The following HCN4 variants were observed in gnomAD, a reference collection of about 807,000 sequenced individuals.
HCN4 encodes the protein hyperpolarization activated cyclic nucleotide gated potassium channel 4, also known as potassium/sodium hyperpolarization-activated cyclic nucleotide-gated channel 4.
In HCN4, 29 loss-of-function variants were observed where a neutral mutation model predicts 76.9. The ratio of observed to expected loss-of-function variants is 0.38; its 90% CI spans 0.28 to 0.51. HCN4 has a LOEUF of 0.51. Ranked by LOEUF, HCN4 falls within the 20% of genes least tolerant of loss-of-function variation. The probability of loss-of-function intolerance (pLI) is 0.90; values close to 1 mark genes in which losing one functional copy is unlikely to be tolerated. For missense variants in HCN4, 1,416 were observed against 1,715.2 expected (o/e 0.83, Z 3.08); for synonymous variants, 772 against 762.5 (o/e 1.01, Z -0.21).
Position 73,323,697 on chromosome 15 carries a change from G to C in HCN4, c.2396C>G (p.Pro799Arg). Residue 799 changes from proline to arginine, a missense_variant, in exon 8 of 8, where the codon CCT becomes CGT. Around this residue, in one of 6 missense-constraint regions of HCN4, gnomAD observed 633 missense variants for 579.8 expected, o/e 1.09. Transcript: ENST00000261917. ...GCGGAAGATGGCAGCAGGCAGGCGA[G>C]GGTGGTGGGTGAGGGCTATGGCCAC... ...TSVAIALTHH[P>R]RLPAAIFRPP... 3 of 1,595,664 alleles carry C rather than the reference G, an allele frequency of 1.9e-6. No individual in the cohort carries two copies. Among genetic ancestry groups the C allele is most frequent in the Non-Finnish European group, 2.6e-6 (3 of 1,171,218 alleles).
At position 73,336,347 on chromosome 15, in the gene HCN4, A is replaced by G. The variant is rs1018466759; in HGVS notation, c.1210-4055T>C. On this transcript the variant is annotated intron_variant, in intron 2 of 7. Coordinates refer to ENST00000261917, the MANE Select transcript of HCN4 (RefSeq NM_005477.3). ...TGGCTAAAGGGCTCCCCAGGATGCA[A>G]CTGTGTTGCCGCCATCACAAGGGGC... Among the ~76,000 whole-genome samples, 7 of 152,132 alleles carry G rather than the reference A, an allele frequency of 4.6e-5. No individual in the cohort carries two copies. In the East Asian group the frequency reaches 1.2e-3, roughly 25 times the overall value.
chr15:73,364,980 C>G (rs144471002), intron 1 of HCN4, among the ~76,000 whole-genome samples: 1 of 152,138 alleles, frequency 6.6e-6, no homozygotes, highest in East Asian at 1.9e-4. Context: ...GCTTCCTGCC[C>G]GTCAAAATGA....
At chr15:73,324,822 A>C (rs2042888878) in intron 6 of HCN4, 133 bp downstream of exon 6, 1 of 1,102,636 alleles carries the variant, frequency 9.1e-7, no homozygotes, top group Admixed American at 2.1e-5. Flanking sequence ...AGACACCCCT[A>C]CCCTGGGCTC....
chr15:73,322,828 A>G lies in HCN4; in HGVS notation c.3265T>C (p.Ser1089Pro). 6.6e-7 allele frequency: 1 copy of G among 1,524,844 alleles called. No individual in the cohort carries two copies. Among genetic ancestry groups the G allele is most frequent in the Admixed American group, 2.1e-5 (1 of 48,134 alleles). The allele number at this position is 1,524,844 out of a possible 1,614,324, so 94.5% of individuals were successfully genotyped here. ...LTQDLKLISASQPALPQDGAQ... is the reference protein window; with the variant it reads ...LTQDLKLISAPQPALPQDGAQ... ...CCGTCCTGAGGCAGGGCTGGCTGAG[A>G]CGCGGAGATGAGCTTGAGGTCCTGG... is the stretch of plus-strand genomic sequence containing the variant. The change falls in exon 8 of 8, where the codon TCT (serine) becomes CCT (proline). Residue 1089 changes from serine (S) to proline (P), a missense_variant. Ser to Pro is a moderately conservative substitution (Grantham distance 74). Transcript: ENST00000261917.
rs1457683992 is a variant in HCN4, at chr15:73,368,871, G to T, written c.-601C>A. 6.6e-6 allele frequency: 1 copy of T among 152,172 alleles called. No individual in the cohort carries two copies. The highest frequency in any genetic ancestry group is 1.5e-5 in the Non-Finnish European group (1 of 68,048). 9.4% of individuals were successfully genotyped at this position (152,172 alleles called of 1,614,324 possible). A position where few individuals can be genotyped will look rare whatever the true frequency, so the allele number is the denominator to read the frequency against. On this transcript the variant is annotated 5_prime_UTR_variant, in exon 1 of 8. Coordinates refer to ENST00000261917, the MANE Select transcript of HCN4 (RefSeq NM_005477.3). The surrounding 1 kb of genome is among the most constrained non-coding windows in gnomAD (Gnocchi z 6.9). The stretch of plus-strand genomic sequence containing the variant: ...TACATCAGCGGCCGCCTCCCCCGAA[G>T]CGCCCTCCGGCAGCGCTCGGGCTCC...
intron 1 of HCN4, among the ~76,000 whole-genome samples, chr15:73,352,145 G>A (rs539405265): frequency 3.3e-5 from 5 of 152,324 alleles, no homozygotes; most frequent in Middle Eastern, 3.4e-3. Context: ...TGAAGTCGGC[G>A]CAGTACCTTT....
Position 73,323,782 on chromosome 15 carries a change from G to T in HCN4, c.2311C>A (p.Pro771Thr). 1 of 1,608,118 alleles carries T rather than the reference G, an allele frequency of 6.2e-7. No individual in the cohort carries two copies. ...TGGATCAGCGGGGTCCAGATGACGGGCGTGGGGGTTGGGGTGGCAGAGGCA... is the reference window on the plus strand; with the variant it reads ...TGGATCAGCGGGGTCCAGATGACGGTCGTGGGGGTTGGGGTGGCAGAGGCA... ...AAASATPTPT[P>T]VIWTPLIQAP... Residue 771 changes from proline to threonine, a missense_variant, in exon 8 of 8, where the codon CCC becomes ACC. Physicochemically the swap from Pro to Thr is conservative, Grantham distance 38 (BLOSUM62 -1). This residue lies in a region of HCN4 where 241 missense variants were observed against 379.4 expected (regional missense o/e 0.64). Transcript: ENST00000261917.
chr15:73,342,717 A>T (rs1289563900), intron 2 of HCN4, among the ~76,000 whole-genome samples: 1 of 152,234 alleles, frequency 6.6e-6, no homozygotes, highest in Non-Finnish European at 1.5e-5. Flanking sequence ...CCTTTCATGC[A>T]AATCTTTGTC....
Position 73,367,933 on chromosome 15 carries a change from G to GTGCCGCCGC in HCN4, c.329_337dup (p.Ser110_Gly112dup), listed in dbSNP as rs1441261132. 7.3e-7 allele frequency: 1 copy of GTGCCGCCGC among 1,365,452 alleles called. No individual in the cohort carries two copies. Among genetic ancestry groups the GTGCCGCCGC allele is most frequent in the Non-Finnish European group, 9.4e-7 (1 of 1,063,054 alleles). 84.6% of individuals were successfully genotyped at this position (1,365,452 alleles called of 1,614,324 possible). On this transcript the variant is annotated inframe_insertion, in exon 1 of 8. Transcript: ENST00000261917. This position sits in a 1 kb window ranked among gnomAD's most constrained non-coding sequence, Gnocchi z 7.5. ...GTGTCCGTGACTGCTGCCGCTCCCC[G>GTGCCGCCGC]TGCCGCCGCTGCCGCCGCCCCGGCT... is the stretch of plus-strand genomic sequence containing the variant.
intron 2 of HCN4, among the ~76,000 whole-genome samples, chr15:73,334,733 A>G (rs1368057485): frequency 6.6e-6 from 1 of 152,066 alleles, no homozygotes; most frequent in East Asian, 1.9e-4. Flanking sequence ...CCTGTTTTAC[A>G]AGATTGCTTG....
rs1436590161 is a variant in HCN4, at chr15:73,321,091, T to C, written c.*1390A>G. The C allele has an allele frequency of 1.3e-5, 2 of 152,242 alleles. No homozygotes were observed. The highest frequency in any genetic ancestry group is 4.8e-5 in the African/African-American group (2 of 41,456). The allele number at this position is 152,242 out of a possible 1,614,324, so 9.4% of individuals were successfully genotyped here. A position where few individuals can be genotyped will look rare whatever the true frequency, so the allele number is the denominator to read the frequency against. ...GCATTTCACATATAGATTTTTCTCA[T>C]CTGGTCCTCATAGGTCCTTGTGAGG... On this transcript the variant is annotated 3_prime_UTR_variant, in exon 8 of 8. Transcript: ENST00000261917.
In HCN4 at chr15:73,325,119, G is replaced by A. The variant is rs1018484647; in HGVS notation, c.1814C>T (p.Thr605Met). 1.9e-6 allele frequency: 3 copies of A among 1,614,104 alleles called. No individual in the cohort carries two copies. The highest frequency in any genetic ancestry group is 1.7e-5 in the Admixed American group (1 of 60,018). The stretch of plus-strand genomic sequence containing the variant: ...GAAACGCAGCTTGGTCAGCATGGAC[G>A]TCACGAAGTTGGGGTCCGCATTGGC... The part of the protein sequence containing the change: ...LFANADPNFV[T>M]SMLTKLRFEV... Residue 605 changes from threonine to methionine, a missense_variant, in exon 6 of 8, where the codon ACG becomes ATG. Thr to Met is a moderately conservative substitution (Grantham distance 81). Around this residue, in one of 6 missense-constraint regions of HCN4, gnomAD observed 241 missense variants for 379.4 expected, o/e 0.64. Transcript: ENST00000261917. The surrounding 1 kb of genome is among the most constrained non-coding windows in gnomAD (Gnocchi z 7.4).
Position 73,329,767 on chromosome 15 carries a change from A to G in HCN4, c.1396T>C (p.Ser466Pro). 1.9e-6 allele frequency: 3 copies of G among 1,613,964 alleles called. No individual in the cohort carries two copies. Among genetic ancestry groups the G allele is most frequent in the Non-Finnish European group, 2.5e-6 (3 of 1,179,978 alleles). Reference protein sequence around the residue: ...MVNNSWGKQYSYALFKAMSHM... With the variant: ...MVNNSWGKQYPYALFKAMSHM... ...CTCATGGCCTTGAAGAGCGCGTAGG[A>G]GTACTGCTTCCCCCAGGAGTTGTTC... Residue 466 changes from serine to proline, a missense_variant, in exon 4 of 8, where the codon TCC (serine) becomes CCC (proline). By Grantham distance (74) the Ser-to-Pro change is moderately conservative. Around this residue, in one of 6 missense-constraint regions of HCN4, gnomAD observed 112 missense variants for 259.9 expected, o/e 0.43. Transcript: ENST00000261917.
At chr15:73,345,971 TGA>T (rs1263682706) in intron 1 of HCN4, among the ~76,000 whole-genome samples, 1 of 152,166 alleles carries the variant, frequency 6.6e-6, no homozygotes, top group Non-Finnish European at 1.5e-5. Context: ...AGTCCAAATT[TGA>T]GAGAGTAATT....
intron 1 of HCN4, among the ~76,000 whole-genome samples, chr15:73,363,309 G>A (rs1011867569): frequency 6.6e-6 from 1 of 152,204 alleles, no homozygotes; most frequent in African/African-American, 2.4e-5. Flanking sequence ...AGGTGGGAGC[G>A]GGTAGGACTG....
intron 1 of HCN4, among the ~76,000 whole-genome samples, chr15:73,353,953 T>C (rs1235654473): frequency 1.3e-5 from 2 of 152,100 alleles, no homozygotes; most frequent in African/African-American, 4.8e-5. Context: ...GATAAATTGC[T>C]GTCTTCCTCC....
At chr15:73,358,699 G>A (rs972392601) in intron 1 of HCN4, among the ~76,000 whole-genome samples, 1 of 152,206 alleles carries the variant, frequency 6.6e-6, no homozygotes, top group African/African-American at 2.4e-5. Context: ...GGCAGGTTCT[G>A]AATAAGCAGC....
At position 73,336,799 on chromosome 15, in the gene HCN4, C is replaced by A. The variant is rs539806431; in HGVS notation, c.1210-4507G>T. 3.9e-5 allele frequency among the ~76,000 whole-genome samples: 6 copies of A among 152,228 alleles called. No individual in the cohort carries two copies. The East Asian group carries it at 1.2e-3, about 29-fold the overall frequency. On this transcript the variant is annotated intron_variant, in intron 2 of 7. Coordinates refer to ENST00000261917, the MANE Select transcript of HCN4 (RefSeq NM_005477.3). ...TGATGAGGCTCCCCGCCCCTCCAAG[C>A]CACTCTCAACCAAGCAGCTAGAAAG...
chr15:73,331,769 G>C lies in HCN4; in HGVS notation c.1371+362C>G, dbSNP rs564906629. On this transcript the variant is annotated intron_variant, in intron 3 of 7. Transcript: ENST00000261917. ...CTCAGGCTCAGCTTTTAAGGACTTG[G>C]CTTCTAAGGGGCAGAGGCAGGAGGC... Among the ~76,000 whole-genome samples the C allele has an allele frequency of 4.3e-4, 65 of 152,258 alleles. 1 individual carries two copies. The highest frequency in any genetic ancestry group is 6.8e-3 in the Middle Eastern group (2 of 294).
Sources: gnomAD v4.1 joint callset for allele counts (sites outside exome capture counted in the v4.1 genomes callset) on GRCh38, gnomAD v4.1.1 for gene constraint, gnomAD v4.1.1 regional missense constraint, Gnocchi (gnomAD v3.1) non-coding constraint, MANE v1.5 for transcripts, NCBI Gene and HGNC (gene_info 2026-07-23, HGNC 2026-07-21) for gene names.